Variants in THADA observed in about 807,000 individuals in gnomAD.
THADA encodes THADA armadillo repeat containing, also known as tRNA (32-2'-O)-methyltransferase regulator THADA.
A neutral mutation model predicts 219.8 loss-of-function variants in THADA; 213 were observed. That is an observed-to-expected ratio of 0.97 (90% CI 0.87 to 1.09). The LOEUF is 1.09. Among genes scored for constraint, THADA ranks in the 50% least tolerant of loss-of-function variants. The pLI, the probability that THADA is intolerant of heterozygous loss-of-function variation, is 0.00. For missense variants in THADA, 2,956 were observed against 2,311.3 expected (o/e 1.28, Z -5.72); for synonymous variants, 1,018 against 828.9 (o/e 1.23, Z -3.92).
In THADA at chr2:43,453,150, T is replaced by C. The variant is rs35171424; in HGVS notation, c.3837-22848A>G. Reference sequence around the variant, plus strand: ...CTCCCAATTAAGACACAATGCTGTCTATAGGTATGATGTGATGTCTGGTAT... The same window carrying C: ...CTCCCAATTAAGACACAATGCTGTCCATAGGTATGATGTGATGTCTGGTAT... On this transcript the variant is annotated intron_variant, in intron 26 of 37. Transcript: ENST00000405975. 8.9e-3 allele frequency among the ~76,000 whole-genome samples: 1,360 copies of C among 152,350 alleles called. 12 individuals are homozygous for C. The highest frequency in any genetic ancestry group is 0.027 in the Middle Eastern group (8 of 294).
intron 29 of THADA, among the ~76,000 whole-genome samples, chr2:43,360,758 G>C (rs527347478): frequency 2.6e-5 from 4 of 152,304 alleles, no homozygotes; most frequent in African/African-American, 9.6e-5. Flanking sequence ...AAGGCTATGA[G>C]GATCGTTTGG....
chr2:43,540,682 A>G (rs1362556518), intron 21 of THADA, among the ~76,000 whole-genome samples: 1 of 152,240 alleles, frequency 6.6e-6, no homozygotes, highest in Non-Finnish European at 1.5e-5. Flanking sequence ...GAACAGTCCC[A>G]GATGGTGAAC....
At chr2:43,324,690 T>C (rs1200684277) in intron 30 of THADA, among the ~76,000 whole-genome samples, 1 of 152,176 alleles carries the variant, frequency 6.6e-6, no homozygotes, top group Non-Finnish European at 1.5e-5. Flanking sequence ...TGGTGCACTG[T>C]AAGTTCAGGG....
chr2:43,547,486 G>A (rs1181736092), intron 20 of THADA, among the ~76,000 whole-genome samples: 2 of 152,276 alleles, frequency 1.3e-5, no homozygotes, highest in African/African-American at 2.4e-5. Flanking sequence ...CATTCTCCCT[G>A]TCACTTTCAG....
chr2:43,403,809 G>A (rs1362634106), intron 28 of THADA, among the ~76,000 whole-genome samples: 1 of 152,010 alleles, frequency 6.6e-6, no homozygotes, highest in Non-Finnish European at 1.5e-5. Context: ...AGCTATGTCT[G>A]ACCCTGACCC....
chr2:43,585,938 TA>T (rs1419116611), intron 7 of THADA, among the ~76,000 whole-genome samples: 3 of 151,898 alleles, frequency 2.0e-5, no homozygotes, highest in African/African-American at 7.3e-5. Context: ...ATCAAACCTC[TA>T]AAAAAAATTT....
At position 43,574,997 on chromosome 2, in the gene THADA, C is replaced by T; in HGVS notation, c.1068G>A (p.Leu356=). 6.2e-7 allele frequency: 1 copy of T among 1,612,516 alleles called. No individual in the cohort carries two copies. Among genetic ancestry groups the T allele is most frequent in the Non-Finnish European group, 8.5e-7 (1 of 1,179,202 alleles). The change falls in exon 11 of 38, where the codon CTG becomes CTA. Residue 356 remains leucine, a synonymous_variant. Transcript: ENST00000405975. The stretch of plus-strand genomic sequence containing the variant: ...TAGTCCAGGATGCTAAGATTCTAGA[C>T]AGAAACATTTCCAGCGTTGGCTCTT... The part of the protein sequence containing the change: ...QIKEPTLEMF[L]SRILASWTNS...
At chr2:43,497,364 G>A (rs1338151356) in intron 25 of THADA, among the ~76,000 whole-genome samples, 1 of 152,148 alleles carries the variant, frequency 6.6e-6, no homozygotes, top group East Asian at 1.9e-4. Context: ...CCATAAAAAG[G>A]AATGAGATCA....
rs1410191414 is a variant in THADA at position 43,577,136 on chromosome 2, AAGAC to A, written c.919_922del (p.Val307TyrfsTer36). The A allele has an allele frequency of 1.2e-6, 2 of 1,612,270 alleles. No individual in the cohort carries two copies. The highest frequency in any genetic ancestry group is 1.7e-5 in the Admixed American group (1 of 59,794). ...GGCAAGTGTCCCCTGACAGAGGAATAAGACAGCTGACTGAGAGATGTCACCACAA... is the reference window on the plus strand; with the variant it reads ...GGCAAGTGTCCCCTGACAGAGGAATAAGCTGACTGAGAGATGTCACCACAA... On this transcript the variant is annotated frameshift_variant, in exon 10 of 38. Coordinates refer to ENST00000405975, the MANE Select transcript of THADA (RefSeq NM_022065.5). LOFTEE classifies it high-confidence loss of function.
intron 1 of THADA, among the ~76,000 whole-genome samples, chr2:43,593,707 C>T (rs1701831893): frequency 6.7e-6 from 1 of 149,902 alleles, no homozygotes; most frequent in African/African-American, 2.5e-5. Flanking sequence ...GATCTGCGCT[C>T]ACTGCAAGCT....
intron 22 of THADA, among the ~76,000 whole-genome samples, chr2:43,512,417 G>A (rs895043355): frequency 2.0e-5 from 3 of 152,156 alleles, no homozygotes; most frequent in Admixed American, 6.5e-5. Flanking sequence ...GTCCAATAAT[G>A]GAACTTCCAC....
intron 29 of THADA, among the ~76,000 whole-genome samples, chr2:43,386,930 C>G (rs1327827919): frequency 6.6e-6 from 1 of 151,268 alleles, no homozygotes; most frequent in African/African-American, 2.4e-5. Context: ...ATTACTATCT[C>G]CGTCATGTAT....
chr2:43,337,471 G>T (rs1336409511), intron 30 of THADA, among the ~76,000 whole-genome samples: 1 of 152,104 alleles, frequency 6.6e-6, no homozygotes, highest in East Asian at 1.9e-4. Flanking sequence ...ACGAAGCTTG[G>T]CACAGAGTAA....
In THADA at chr2:43,551,875, A is replaced by C. The variant is rs1696791495; in HGVS notation, c.2861T>G (p.Leu954Trp). ...EWRPVVEKLLLMSYRLSTVVS... is the reference protein window; with the variant it reads ...EWRPVVEKLLWMSYRLSTVVS... ...CACAGTGGAAAGCCTGTAGGACATC[A>C]AAAGGAGCTTCTCTACCACAGGTCT... The change falls in exon 19 of 38, where the codon TTG (leucine) becomes TGG (tryptophan). Residue 954 changes from leucine (L) to tryptophan (W), a missense_variant. Coordinates refer to ENST00000405975, the MANE Select transcript of THADA (RefSeq NM_022065.5). 2.5e-6 allele frequency: 4 copies of C among 1,613,888 alleles called. No homozygotes were observed. Among genetic ancestry groups the C allele is most frequent in the Non-Finnish European group, 3.4e-6 (4 of 1,179,828 alleles).
intron 26 of THADA, among the ~76,000 whole-genome samples, chr2:43,482,220 G>A (rs1325939085): frequency 1.3e-5 from 2 of 152,112 alleles, no homozygotes; most frequent in African/African-American, 2.4e-5. Flanking sequence ...AAGCACAAGT[G>A]AAACTTCTGT....
chr2:43,544,689 T>A (rs1695789933), intron 20 of THADA, among the ~76,000 whole-genome samples: 1 of 151,362 alleles, frequency 6.6e-6, no homozygotes, highest in African/African-American at 2.4e-5. Context: ...CTGTTATTGG[T>A]GTATAAGAAT....
At chr2:43,450,922 T>C (rs571605020) in intron 26 of THADA, among the ~76,000 whole-genome samples, 71 of 152,332 alleles carry the variant, frequency 4.7e-4, no homozygotes, top group African/African-American at 1.6e-3. Context: ...GAAAGTAGAA[T>C]GGTGGTTACT....
At chr2:43,570,263 G>C in intron 14 of THADA, 125 bp downstream of exon 14, 1 of 973,064 alleles carries the variant, frequency 1.0e-6, no homozygotes, top group Non-Finnish European at 1.5e-6. Flanking sequence ...GTAATACTCA[G>C]CTTGAAGGAA....
chr2:43,352,993 C>T (rs1255398757), intron 29 of THADA, among the ~76,000 whole-genome samples: 1 of 152,150 alleles, frequency 6.6e-6, no homozygotes, highest in African/African-American at 2.4e-5. Context: ...TAATTAAGAT[C>T]ATGCGACACT....
Sources: allele counts gnomAD v4.1 joint callset (sites outside exome capture counted in the v4.1 genomes callset), GRCh38; gene constraint gnomAD v4.1.1; transcripts MANE v1.5; gene names NCBI Gene and HGNC (gene_info 2026-07-23, HGNC 2026-07-21).